Variants in GRAMD4 observed in about 807,000 individuals in gnomAD.
GRAMD4 encodes the protein GRAM domain containing 4.
GRAMD4 carries 25 observed loss-of-function variants against 83.9 expected under a neutral mutation model. The ratio of observed to expected loss-of-function variants is 0.30; its 90% CI spans 0.22 to 0.42. The LOEUF is 0.42. GRAMD4 is among the 10% of genes least tolerant of loss of function. The pLI, the probability that GRAMD4 is intolerant of heterozygous loss-of-function variation, is 1.00. For missense variants in GRAMD4, 593 were observed against 788.7 expected, an observed-to-expected ratio of 0.75 and a Z score of 2.97; for synonymous variants, 336 against 320.9, an observed-to-expected ratio of 1.05 and a Z score of -0.50.
At chr22:46,675,626 C>G in intron 17 of GRAMD4, 74 bp downstream of exon 17, 1 of 976,408 alleles carries the variant, frequency 1.0e-6, no homozygotes, top group East Asian at 2.4e-5. Context: ...GAGGCTTTCC[C>G]TATAGACTTC....
intron 1 of GRAMD4, among the ~76,000 whole-genome samples, chr22:46,602,675 T>C (rs2081322629): frequency 6.6e-6 from 1 of 151,844 alleles, no homozygotes; most frequent in Non-Finnish European, 1.5e-5. Context: ...AAAAAAATTG[T>C]ATTTCTCTCA....
intron 3 of GRAMD4, among the ~76,000 whole-genome samples, chr22:46,657,179 G>A (rs539363971): frequency 3.3e-5 from 5 of 152,332 alleles, no homozygotes; most frequent in South Asian, 4.1e-4. Context: ...GGTGGGGAGC[G>A]CCTGGGCAGG....
intron 1 of GRAMD4, among the ~76,000 whole-genome samples, chr22:46,591,362 A>G (rs1330836786): frequency 2.6e-5 from 4 of 152,148 alleles, no homozygotes; most frequent in Non-Finnish European, 5.9e-5. Flanking sequence ...TACTAAAAAT[A>G]AAAAATTAGC....
exon 1 of GRAMD4, chr22:46,577,191 G>T: frequency 1.3e-6 from 1 of 747,694 alleles, no homozygotes; most frequent in Non-Finnish European, 1.6e-6. Flanking sequence ...CCCCGGCGCC[G>T]CTGGGCTCCC....
chr22:46,654,146 G>A (rs1438752913), intron 3 of GRAMD4, among the ~76,000 whole-genome samples: 1 of 151,866 alleles, frequency 6.6e-6, no homozygotes, highest in South Asian at 2.1e-4. Flanking sequence ...GCTGAGAATC[G>A]GGTCTGTTGG....
At chr22:46,682,365 T>TA, downstream of GRAMD4, 1 of 896,828 alleles carries the variant, frequency 1.1e-6, no homozygotes, top group Non-Finnish European at 1.3e-6. Flanking sequence ...ATTCAGCTGT[T>TA]ACTATCTGTA....
Position 46,678,016 on chromosome 22 carries a change from C to T in GRAMD4, c.*765C>T. 1 of 985,728 alleles carries T rather than the reference C, an allele frequency of 1.0e-6. No homozygotes were observed. The highest frequency in any genetic ancestry group is 1.2e-6 in the Non-Finnish European group (1 of 830,122). The allele number at this position is 985,728 out of a possible 1,614,324, so 61.1% of individuals were successfully genotyped here. On this transcript the variant is annotated 3_prime_UTR_variant, in exon 19 of 19. Transcript: ENST00000406902. ...CGGCCTGACACGCCGGCCAGGAGGT[C>T]TGTAGCTGGGGACCAGTAAGGGCAC...
At chr22:46,591,407 T>C (rs1051584056) in intron 1 of GRAMD4, among the ~76,000 whole-genome samples, 2 of 152,010 alleles carry the variant, frequency 1.3e-5, no homozygotes, top group Non-Finnish European at 2.9e-5. Context: ...TCCCAGCTCC[T>C]TGGGAGGCTG....
At chr22:46,607,264 C>T (rs1277243650) in intron 1 of GRAMD4, among the ~76,000 whole-genome samples, 1 of 152,030 alleles carries the variant, frequency 6.6e-6, no homozygotes, top group Non-Finnish European at 1.5e-5. Flanking sequence ...TTGATGGGTG[C>T]AGCAAACCAA....
At chr22:46,590,147 G>A (rs1164974262) in intron 1 of GRAMD4, among the ~76,000 whole-genome samples, 1 of 151,452 alleles carries the variant, frequency 6.6e-6, no homozygotes, top group Non-Finnish European at 1.5e-5. Context: ...CCAGAGCCCT[G>A]CCCCCACATC....
At chr22:46,600,952 T>C (rs2081306641) in intron 1 of GRAMD4, among the ~76,000 whole-genome samples, 1 of 152,066 alleles carries the variant, frequency 6.6e-6, no homozygotes. Context: ...AAGACCAGCT[T>C]GGCCAATATG....
At chr22:46,618,711 G>GT (rs2147128568), upstream of GRAMD4, among the ~76,000 whole-genome samples, 2 of 152,314 alleles carry the variant, frequency 1.3e-5, no homozygotes, top group African/African-American at 4.8e-5. The surrounding 1 kb of genome is among the most constrained non-coding windows in gnomAD (Gnocchi z 5.8). Context: ...GTGGGGAGAG[G>GT]GGAGGCACGC....
At chr22:46,676,469 T>C (rs1183298928) in intron 17 of GRAMD4, 131 bp from the exon 18 acceptor site, 2 of 713,810 alleles carry the variant, frequency 2.8e-6, no homozygotes, top group East Asian at 5.4e-5. Flanking sequence ...TTCTGTTGTT[T>C]GGAAGTCCCA....
In GRAMD4 at chr22:46,677,521, G is replaced by A. The variant is rs899610279; in HGVS notation, c.*270G>A. The A allele has an allele frequency of 1.9e-5, 23 of 1,212,076 alleles. No homozygotes were observed. The highest frequency in any genetic ancestry group is 9.2e-5 in the African/African-American group (6 of 65,176). 75.1% of individuals were successfully genotyped at this position (1,212,076 alleles called of 1,614,324 possible). The stretch of plus-strand genomic sequence containing the variant: ...ACTGGGGGAGGGGGCAGAGGCCCTC[G>A]GGGGCCCGTGGAGAAGACACACAGG... On this transcript the variant is annotated 3_prime_UTR_variant, in exon 19 of 19. Transcript: ENST00000406902.
intron 2 of GRAMD4, among the ~76,000 whole-genome samples, chr22:46,635,470 C>T (rs1372105583): frequency 1.8e-5 from 2 of 112,166 alleles, no homozygotes; most frequent in African/African-American, 3.7e-5. Context: ...GTCCTCCCTG[C>T]CCCCACCCCT....
In GRAMD4 at chr22:46,659,832, C is replaced by T. The variant is rs529412074; in HGVS notation, c.404+1525C>T. 3.3e-4 allele frequency among the ~76,000 whole-genome samples: 51 copies of T among 152,304 alleles called. No homozygotes were observed. Among genetic ancestry groups the T allele is most frequent in the African/African-American group, 1.2e-3 (48 of 41,554 alleles). On this transcript the variant is annotated intron_variant, in intron 4 of 18. Transcript: ENST00000406902. This position sits in a 1 kb window ranked among gnomAD's most constrained non-coding sequence, Gnocchi z 4.1. ...AAATGGGTGCATGGGCCTCGGCAGG[C>T]GCTTTACCTGATGCTGAACCTTCTG... is the stretch of plus-strand genomic sequence containing the variant.
chr22:46,600,724 G>A (rs557702384), intron 1 of GRAMD4, among the ~76,000 whole-genome samples: 31 of 152,230 alleles, frequency 2.0e-4, no homozygotes, highest in Non-Finnish European at 3.2e-4. Flanking sequence ...CATGTGGGGT[G>A]TATTCATTGC....
intron 1 of GRAMD4, among the ~76,000 whole-genome samples, chr22:46,614,244 G>A (rs958174766): frequency 1.3e-5 from 2 of 152,226 alleles, no homozygotes; most frequent in Non-Finnish European, 2.9e-5. Flanking sequence ...AATGATGGCC[G>A]CTGGCATGGC....
chr22:46,602,398 CTG>C (rs1488389059), intron 1 of GRAMD4, among the ~76,000 whole-genome samples: 1 of 152,164 alleles, frequency 6.6e-6, no homozygotes, highest in Non-Finnish European at 1.5e-5. Flanking sequence ...TATTTATCGG[CTG>C]GGCACAGTGA....
Sources: allele counts gnomAD v4.1 joint callset (sites outside exome capture counted in the v4.1 genomes callset), GRCh38; gene constraint gnomAD v4.1.1; non-coding constraint Gnocchi (gnomAD v3.1); transcripts MANE v1.5; gene names NCBI Gene and HGNC (gene_info 2026-07-23, HGNC 2026-07-21).